The following NDUFAF2 variants were observed in gnomAD, a reference collection of about 807,000 sequenced individuals.
The protein encoded by NDUFAF2 is NADH:ubiquinone oxidoreductase complex assembly factor 2, also known as NADH dehydrogenase [ubiquinone] 1 alpha subcomplex assembly factor 2.
In NDUFAF2, 13 loss-of-function variants were observed where a neutral mutation model predicts 22.8. That is an observed-to-expected ratio of 0.57 (90% CI 0.37 to 0.91). The LOEUF (loss-of-function observed/expected upper bound fraction) is 0.91, where lower values mean the gene tolerates loss of function less well. NDUFAF2 is among the 40% of genes least tolerant of loss of function. NDUFAF2 has a pLI of 0.01. For synonymous variants in NDUFAF2, 53 were observed against 64.2 expected, an observed-to-expected ratio of 0.83 and a Z score of 0.84; for missense variants, 162 against 195.2, an observed-to-expected ratio of 0.83 and a Z score of 1.01.
chr5:61,019,715 C>A (rs1024050475), intron 1 of NDUFAF2, among the ~76,000 whole-genome samples: 1 of 151,870 alleles, frequency 6.6e-6, no homozygotes, highest in Non-Finnish European at 1.5e-5. Flanking sequence ...AAGGAAAATA[C>A]CTGGTTTTTA....
At chr5:61,018,023 A>G (rs1324945325) in intron 1 of NDUFAF2, among the ~76,000 whole-genome samples, 1 of 152,190 alleles carries the variant, frequency 6.6e-6, no homozygotes, top group Non-Finnish European at 1.5e-5. Flanking sequence ...GAGTGCTGGG[A>G]TTACAGGCGT....
At chr5:61,017,505 A>G (rs1176364728) in intron 1 of NDUFAF2, among the ~76,000 whole-genome samples, 2 of 140,528 alleles carry the variant, frequency 1.4e-5, no homozygotes, top group Non-Finnish European at 3.1e-5. Flanking sequence ...TTCAGAAAGC[A>G]AAAGTGTGGG....
intron 1 of NDUFAF2, among the ~76,000 whole-genome samples, chr5:61,049,030 T>A (rs981035148): frequency 6.6e-6 from 1 of 152,164 alleles, no homozygotes; most frequent in African/African-American, 2.4e-5. Context: ...AATCAATGTA[T>A]AATAATGTCC....
At chr5:60,965,929 T>G (rs1750753141) in intron 1 of NDUFAF2, among the ~76,000 whole-genome samples, 1 of 152,198 alleles carries the variant, frequency 6.6e-6, no homozygotes, top group Admixed American at 6.5e-5. Flanking sequence ...TTTTAGTTTT[T>G]TGAGAAATCT....
intron 1 of NDUFAF2, among the ~76,000 whole-genome samples, chr5:60,969,524 G>T (rs1178891894): frequency 6.6e-6 from 1 of 151,892 alleles, no homozygotes; most frequent in Non-Finnish European, 1.5e-5. Context: ...TTGAAAATGT[G>T]TATTCAGATG....
chr5:60,970,647 T>A (rs746786525), intron 1 of NDUFAF2, among the ~76,000 whole-genome samples: 1 of 152,166 alleles, frequency 6.6e-6, no homozygotes, highest in Non-Finnish European at 1.5e-5. Flanking sequence ...CAAACAAGAA[T>A]AATTTGACGT....
intron 1 of NDUFAF2, among the ~76,000 whole-genome samples, chr5:61,037,085 T>TGG (rs1751809053): frequency 6.6e-6 from 1 of 152,164 alleles, no homozygotes; most frequent in South Asian, 2.1e-4. Context: ...TGACTTTTCT[T>TGG]TCAGGGATCT....
chr5:61,040,163 G>T lies in NDUFAF2; in HGVS notation c.128-32962G>T, dbSNP rs188108345. Reference sequence around the variant, plus strand: ...GAATGTTATCTTATTTGGAAGTAGGGTGTTTGTCTATACAGTTAAGTTAAG... The same window carrying T: ...GAATGTTATCTTATTTGGAAGTAGGTTGTTTGTCTATACAGTTAAGTTAAG... On this transcript the variant is annotated intron_variant, in intron 1 of 3. Coordinates refer to ENST00000296597, the MANE Select transcript of NDUFAF2 (RefSeq NM_174889.5). Among the ~76,000 whole-genome samples the T allele has an allele frequency of 7.0e-3, 1,059 of 151,908 alleles. 12 individuals are homozygous for T. Among genetic ancestry groups the T allele is most frequent in the Non-Finnish European group, 0.011 (738 of 67,964 alleles).
At chr5:61,137,398 G>T (rs887143496) in intron 3 of NDUFAF2, among the ~76,000 whole-genome samples, 4 of 152,138 alleles carry the variant, frequency 2.6e-5, no homozygotes, top group Non-Finnish European at 5.9e-5. Flanking sequence ...TTATATTCTA[G>T]TCAAGCCATA....
At chr5:61,137,145 C>T (rs1740973852) in intron 3 of NDUFAF2, among the ~76,000 whole-genome samples, 1 of 152,170 alleles carries the variant, frequency 6.6e-6, no homozygotes, top group African/African-American at 2.4e-5. Flanking sequence ...TGGTGGTCCA[C>T]ATGAAGTATC....
chr5:60,961,552 G>T (rs947998981), intron 1 of NDUFAF2, among the ~76,000 whole-genome samples: 2 of 146,516 alleles, frequency 1.4e-5, no homozygotes, highest in African/African-American at 5.2e-5. Context: ...CCGAGATTGT[G>T]CCACTGCACT....
intron 1 of NDUFAF2, among the ~76,000 whole-genome samples, chr5:61,052,034 T>C (rs948116044): frequency 6.6e-6 from 1 of 152,202 alleles, no homozygotes; most frequent in African/African-American, 2.4e-5. Flanking sequence ...AGCTTTATTT[T>C]GCTTTCATTC....
intron 3 of NDUFAF2, among the ~76,000 whole-genome samples, chr5:61,129,750 C>T (rs1341054787): frequency 6.6e-6 from 1 of 151,832 alleles, no homozygotes. Context: ...ATGTAACAAA[C>T]CTGCACGTTG....
At chr5:61,062,751 C>T (rs1752181355) in intron 1 of NDUFAF2, among the ~76,000 whole-genome samples, 1 of 152,010 alleles carries the variant, frequency 6.6e-6, no homozygotes, top group Non-Finnish European at 1.5e-5. Context: ...CTGTTTGAAG[C>T]ACATTATAAT....
chr5:61,144,890 T>C (rs1290923268), intron 3 of NDUFAF2, among the ~76,000 whole-genome samples: 1 of 152,190 alleles, frequency 6.6e-6, no homozygotes, highest in Non-Finnish European at 1.5e-5. Flanking sequence ...CTCTTTATAA[T>C]TCAAATATCC....
intron 3 of NDUFAF2, among the ~76,000 whole-genome samples, chr5:61,149,034 G>A (rs1741189639): frequency 6.6e-6 from 1 of 152,074 alleles, no homozygotes; most frequent in South Asian, 2.1e-4. Context: ...GCAGTGGCGT[G>A]ATCTCAGCTC....
At chr5:60,967,068 G>A (rs192484653) in intron 1 of NDUFAF2, among the ~76,000 whole-genome samples, 5 of 152,014 alleles carry the variant, frequency 3.3e-5, no homozygotes, top group Admixed American at 1.3e-4. Flanking sequence ...CCTCCTTGGC[G>A]AAATTTATTC....
At chr5:61,040,286 A>ACACACACACACACACACACACG (rs1491193758) in intron 1 of NDUFAF2, among the ~76,000 whole-genome samples, 2 of 93,098 alleles carry the variant, frequency 2.1e-5, no homozygotes, top group Non-Finnish European at 4.5e-5. Context: ...ACACACACAC[A>ACACACACACACACACACACACG]CGCGCGCGCG....
intron 1 of NDUFAF2, among the ~76,000 whole-genome samples, chr5:61,004,049 C>T (rs958640100): frequency 6.6e-6 from 1 of 151,972 alleles, no homozygotes. Flanking sequence ...ATAGTTTACA[C>T]TGTAATAACG....
Sources: gnomAD v4.1 joint callset for allele counts (sites outside exome capture counted in the v4.1 genomes callset) on GRCh38, gnomAD v4.1.1 for gene constraint, MANE v1.5 for transcripts, NCBI Gene and HGNC (gene_info 2026-07-23, HGNC 2026-07-21) for gene names.